CIZ1: variants seen among roughly 807,000 people sequenced by gnomAD.
CIZ1 encodes CDKN1A interacting zinc finger protein 1, also known as cip1-interacting zinc finger protein.
CIZ1 carries 58 observed loss-of-function variants against 118.6 expected under a neutral mutation model. The ratio of observed to expected loss-of-function variants is 0.49; its 90% CI spans 0.40 to 0.61. CIZ1 has a LOEUF of 0.61. CIZ1 is among the 20% of genes least tolerant of loss of function. The pLI is 0.00. For synonymous variants in CIZ1, 448 were observed against 443.4 expected (o/e 1.01, Z -0.13); for missense variants, 921 against 1,115.9 (o/e 0.83, Z 2.49).
intron 4 of CIZ1, among the ~76,000 whole-genome samples, 175 bp downstream of exon 4, chr9:128,187,688 A>C (rs1444770000): frequency 2.0e-5 from 3 of 152,170 alleles, no homozygotes; most frequent in Non-Finnish European, 4.4e-5. Flanking sequence ...AAAATGAACA[A>C]AGGACATGGA....
chr9:128,195,669 CTCTA>C (rs1833360179), upstream of CIZ1, among the ~76,000 whole-genome samples: 2 of 152,250 alleles, frequency 1.3e-5, no homozygotes, highest in South Asian at 2.1e-4. Flanking sequence ...TTCTCATGGA[CTCTA>C]TCTATCCCTT....
rs745859418 is a variant in CIZ1, at chr9:128,167,056, C to G, written c.2365+39G>C. 4 of 1,582,624 alleles carry G rather than the reference C, an allele frequency of 2.5e-6. No individual in the cohort carries two copies. In the South Asian group the frequency reaches 4.6e-5, roughly 18 times the overall value. On this transcript the variant is annotated intron_variant, in intron 15 of 16. Transcript: ENST00000372938. ...GTCATGTGGAGGCTGGGCCCAAGGG[C>G]TGAAGCTCCTGCAGGTGGGCTCAGA...
Position 128,167,080 on chromosome 9 carries a change from G to A in CIZ1, c.2365+15C>T, listed in dbSNP as rs764248899. The A allele has an allele frequency of 6.3e-7, 1 of 1,591,746 alleles. No homozygotes were observed. The highest frequency in any genetic ancestry group is 1.8e-5 in the Admixed American group (1 of 56,082). On this transcript the variant is annotated intron_variant, in intron 15 of 16. Coordinates refer to ENST00000372938, the MANE Select transcript of CIZ1 (RefSeq NM_001131016.2). ...GCTGAAGCTCCTGCAGGTGGGCTCA[G>A]AGCTGGGGCCTTACCATATGCAGTA...
At chr9:128,168,902 A>G (rs533806976) in intron 14 of CIZ1, 150 bp downstream of exon 14, 152 of 1,094,530 alleles carry the variant, frequency 1.4e-4, no homozygotes, top group Admixed American at 1.5e-4. Context: ...TTACATAGTC[A>G]TGCAGAAGGC....
intron 6 of CIZ1, 98 bp downstream of exon 6, chr9:128,180,623 C>G: frequency 7.4e-7 from 1 of 1,351,814 alleles, no homozygotes. Context: ...CCACCAAGAA[C>G]CCCTGCCTCC....
At chr9:128,180,343 T>G in intron 7 of CIZ1, 72 bp downstream of exon 7, 4 of 1,152,850 alleles carry the variant, frequency 3.5e-6, no homozygotes, top group South Asian at 2.5e-5. Flanking sequence ...CCTCTGCCAT[T>G]GCCACCCCTG....
intron 11 of CIZ1, among the ~76,000 whole-genome samples, chr9:128,173,803 A>G (rs11789453): frequency 0.59 from 89,595 of 151,620 alleles, 29,919 homozygotes; most frequent in Admixed American, 0.74. Context: ...TCAGGAGATC[A>G]AGACCATCCT....
chr9:128,184,476 C>T (rs55695591), intron 5 of CIZ1, among the ~76,000 whole-genome samples: 19,202 of 144,852 alleles, frequency 0.13, 2,390 homozygotes, highest in East Asian at 0.44. Context: ...TTTATTTCTA[C>T]TGGGCAGTGC....
rs1375779095 is a variant in CIZ1 at position 128,166,846 on chromosome 9, G to A, written c.2400C>T (p.Ile800=). 2.5e-6 allele frequency: 4 copies of A among 1,614,226 alleles called. No homozygotes were observed. Among genetic ancestry groups the A allele is most frequent in the Non-Finnish European group, 3.4e-6 (4 of 1,180,026 alleles). ...GATAGAACTTGTGGCAGATGCGGCA[G>A]ATATAGCCCATCACGGGCACCAGGA... ...VDFLVPVMGY[I]CRICHKFYHS... is the part of the protein sequence containing the mutation. Residue 800 remains isoleucine, a synonymous_variant, in exon 16 of 17, where the codon ATC becomes ATT. Coordinates refer to ENST00000372938, the MANE Select transcript of CIZ1 (RefSeq NM_001131016.2). This position sits in a 1 kb window ranked among gnomAD's most constrained non-coding sequence, Gnocchi z 4.4.
In CIZ1 at chr9:128,182,309, C is replaced by T. The variant is rs576944285; in HGVS notation, c.589-1495G>A. Among the ~76,000 whole-genome samples the T allele has an allele frequency of 3.3e-5, 5 of 152,276 alleles. No individual in the cohort carries two copies. The East Asian group carries it at 7.7e-4, about 24-fold the overall frequency. On this transcript the variant is annotated intron_variant, in intron 5 of 16. Coordinates refer to ENST00000372938, the MANE Select transcript of CIZ1 (RefSeq NM_001131016.2). ...CTTTATTTCTACACTCTCTCGTCGC[C>T]GCACACAGGGAGAGACGCACCGACC...
chr9:128,185,623 G>A lies in CIZ1; in HGVS notation c.512C>T (p.Pro171Leu). 6.4e-7 allele frequency: 1 copy of A among 1,555,506 alleles called. No individual in the cohort carries two copies. The highest frequency in any genetic ancestry group is 2.3e-5 in the East Asian group (1 of 43,956). The change falls in exon 5 of 17, where the codon CCT becomes CTT. Residue 171 changes from proline (P) to leucine (L), a missense_variant. Pro to Leu is a moderately conservative substitution (Grantham distance 98, BLOSUM62 -3). Transcript: ENST00000372938. ...GPPPVGVPMN[P>L]SQFNLSGRNP... ...CCGTCCTGAAAGGTTGAACTGGGAAGGGTTCATGGGGACCCCAACAGGAGG... is the reference window on the plus strand; with the variant it reads ...CCGTCCTGAAAGGTTGAACTGGGAAAGGTTCATGGGGACCCCAACAGGAGG...
chr9:128,202,446 A>T (rs189075262), intron 1 of CIZ1, among the ~76,000 whole-genome samples: 1 of 152,234 alleles, frequency 6.6e-6, no homozygotes, highest in African/African-American at 2.4e-5. Context: ...CACCATCCTG[A>T]TGGGTTGGAG....
chr9:128,199,870 C>T (rs1833469617), intron 1 of CIZ1: 2 of 148,252 alleles, frequency 1.3e-5, no homozygotes, highest in Admixed American at 6.8e-5. Context: ...GCAACCACCA[C>T]CCCTGCCTCC....
At chr9:128,174,034 A>C (rs1282483826) in intron 11 of CIZ1, among the ~76,000 whole-genome samples, 1 of 151,940 alleles carries the variant, frequency 6.6e-6, no homozygotes, top group Admixed American at 6.6e-5. Flanking sequence ...CAAAAAAAAA[A>C]AACAAAGAAA....
intron 12 of CIZ1, chr9:128,169,797 CG>C: frequency 7.6e-7 from 1 of 1,323,932 alleles, no homozygotes; most frequent in Non-Finnish European, 1.0e-6. Flanking sequence ...CTGTGAGCCC[CG>C]TGGCTGAATG....
At chr9:128,180,598 G>A in intron 6 of CIZ1, 75 bp from the exon 7 acceptor site, 1 of 1,423,968 alleles carries the variant, frequency 7.0e-7, no homozygotes, top group Non-Finnish European at 9.8e-7. Flanking sequence ...GATGGGGCCT[G>A]GGCTCCCCGC....
At position 128,170,143 on chromosome 9, in the gene CIZ1, G is replaced by A. The variant is rs147681064; in HGVS notation, c.1944-36C>T. 9.1e-5 allele frequency: 143 copies of A among 1,569,576 alleles called. No individual in the cohort carries two copies. The Admixed American group carries it at 9.1e-4, about 10-fold the overall frequency. ...ACAGTCAAAGCAAGTACAATGTGAC[G>A]CCAGAAAGACAGCAGCTGTCTGAGA... On this transcript the variant is annotated intron_variant, in intron 11 of 16. Coordinates refer to ENST00000372938, the MANE Select transcript of CIZ1 (RefSeq NM_001131016.2).
intron 3 of CIZ1, among the ~76,000 whole-genome samples, chr9:128,190,047 T>G (rs898543474): frequency 6.6e-6 from 1 of 152,166 alleles, no homozygotes; most frequent in Non-Finnish European, 1.5e-5. Context: ...CTTCTTCACC[T>G]GTCAGATGGC....
chr9:128,176,571 G>A, intron 10 of CIZ1, 96 bp from the exon 11 acceptor site: 1 of 1,261,412 alleles, frequency 7.9e-7, no homozygotes, highest in Non-Finnish European at 1.1e-6. Flanking sequence ...CCTCATCACT[G>A]TGCGCCCATT....
Sources: gnomAD v4.1 joint callset for allele counts (sites outside exome capture counted in the v4.1 genomes callset) on GRCh38, gnomAD v4.1.1 for gene constraint, Gnocchi (gnomAD v3.1) non-coding constraint, MANE v1.5 for transcripts, NCBI Gene and HGNC (gene_info 2026-07-23, HGNC 2026-07-21) for gene names.